The following FRMD1 variants were observed in gnomAD, a reference collection of about 807,000 sequenced individuals.
The protein encoded by FRMD1 is FERM domain containing 1, also known as FERM domain-containing protein 1.
Under a neutral mutation model 54.9 loss-of-function variants are expected in FRMD1, and 51 were observed. The ratio of observed to expected loss-of-function variants is 0.93; its 90% CI spans 0.74 to 1.17. The LOEUF (loss-of-function observed/expected upper bound fraction) is 1.17, where lower values mean the gene tolerates loss of function less well. Ranked by LOEUF, FRMD1 falls within the 50% of genes most tolerant of loss-of-function variation. The probability of loss-of-function intolerance (pLI) is 0.00; values close to 1 mark genes in which losing one functional copy is unlikely to be tolerated. For missense variants in FRMD1, 729 were observed against 743.0 expected (o/e 0.98, Z 0.22); for synonymous variants, 324 against 306.4 (o/e 1.06, Z -0.60).
upstream of FRMD1, chr6:168,081,250 G>A: frequency 1.7e-6 from 2 of 1,148,242 alleles, no homozygotes; most frequent in East Asian, 2.7e-5. Context: ...GGGCACTGAG[G>A]GGACACCAGA....
chr6:168,064,993 C>T lies in FRMD1; in HGVS notation c.526G>A (p.Ala176Thr), dbSNP rs372120473. The change falls in exon 5 of 11, where the codon GCT becomes ACT. Residue 176 changes from alanine (A) to threonine (T), a missense_variant. Transcript: ENST00000283309. ...AGGAAGTAGGCTTCCTCCCGGTGAG[C>T]GCACTGTGACCTCAGCACGCGCTCC... ...LKERVLRSQC[A>T]HREEAYFLLA... The T allele has an allele frequency of 2.2e-5, 36 of 1,611,856 alleles. No individual in the cohort carries two copies. Among genetic ancestry groups the T allele is most frequent in the South Asian group, 1.4e-4 (13 of 91,052 alleles).
chr6:168,057,513 G>A (rs1305144902), intron 10 of FRMD1, 174 bp from the exon 11 acceptor site: 2 of 849,620 alleles, frequency 2.4e-6, no homozygotes, highest in Non-Finnish European at 3.5e-6. Flanking sequence ...ACCTCTGCGA[G>A]AGAGGCTTGG....
At position 168,075,280 on chromosome 6, in the gene FRMD1, C is replaced by T. The variant is rs1344200759; in HGVS notation, c.269G>A (p.Arg90Lys). 1.9e-6 allele frequency: 3 copies of T among 1,613,678 alleles called. No homozygotes were observed. In the African/African-American group the frequency reaches 4.0e-5, roughly 22 times the overall value. The change falls in exon 2 of 11, where the codon AGA (arginine) becomes AAA (lysine). Residue 90 changes from arginine (R) to lysine (K), a missense_variant. Coordinates refer to ENST00000283309, the MANE Select transcript of FRMD1 (RefSeq NM_024919.6). ...ACAGAGGCCAAAGAACTGCGCGTCT[C>T]TGATGCTCGCCACGTTGCACACTTG... is the stretch of plus-strand genomic sequence containing the variant. ...FQQVCNVASI[R>K]DAQFFGLCVV...
Position 168,057,563 on chromosome 6 carries a change from C to T in FRMD1, c.1408-224G>A, listed in dbSNP as rs929936628. On this transcript the variant is annotated intron_variant, in intron 10 of 10. Coordinates refer to ENST00000283309, the MANE Select transcript of FRMD1 (RefSeq NM_024919.6). ...GCATTTCAGGAGGCCCCCACCTTGC[C>T]CAGCTTCTTTCCTGGGGCTGCTTTC... 6.0e-5 allele frequency: 36 copies of T among 598,702 alleles called. No individual in the cohort carries two copies. The African/African-American group carries it at 6.2e-4, about 10-fold the overall frequency. 37.1% of individuals were successfully genotyped at this position (598,702 alleles called of 1,614,324 possible). A position where few individuals can be genotyped will look rare whatever the true frequency, so the allele number is the denominator to read the frequency against.
Position 168,059,700 on chromosome 6 carries a change from G to A in FRMD1, c.1343-512C>T, listed in dbSNP as rs1436399590. ...ACACTCAGAGACCAGCAGAGCTCAC[G>A]TCCCCTTTCTGGGGCAATGAGGAAG... On this transcript the variant is annotated intron_variant, in intron 9 of 10. Coordinates refer to ENST00000283309, the MANE Select transcript of FRMD1 (RefSeq NM_024919.6). This position sits in a 1 kb window ranked among gnomAD's most constrained non-coding sequence, Gnocchi z 4.4. Among the ~76,000 whole-genome samples the A allele has an allele frequency of 6.6e-6, 1 of 152,130 alleles. No homozygotes were observed. Among genetic ancestry groups the A allele is most frequent in the Non-Finnish European group, 1.5e-5 (1 of 68,026 alleles).
At chr6:168,072,629 C>T (rs1800366963) in intron 2 of FRMD1, among the ~76,000 whole-genome samples, 2 of 152,236 alleles carry the variant, frequency 1.3e-5, no homozygotes, top group Admixed American at 6.5e-5. Context: ...GAACATGATG[C>T]ACAACCAAAG....
chr6:168,057,056 T>TG lies in FRMD1; in HGVS notation c.*40dup, dbSNP rs757331892. On this transcript the variant is annotated 3_prime_UTR_variant, in exon 11 of 11. Transcript: ENST00000283309. ...ATGTGGAAGTGGGGTGGGCAGGGGC[T>TG]GAGCCTGGCGGTGCGGACGGTACTG... The TG allele has an allele frequency of 7.0e-7, 1 of 1,436,710 alleles. No individual in the cohort carries two copies. Among genetic ancestry groups the TG allele is most frequent in the Admixed American group, 2.9e-5 (1 of 34,264 alleles). 89.0% of individuals were successfully genotyped at this position (1,436,710 alleles called of 1,614,324 possible).
intron 9 of FRMD1, among the ~76,000 whole-genome samples, chr6:168,060,257 G>A (rs1799650348): frequency 2.0e-5 from 3 of 147,378 alleles, no homozygotes; most frequent in South Asian, 2.2e-4. Context: ...GTGTGGGGAT[G>A]GGATTCCTGG....
chr6:168,062,363 G>A (rs1457701254), intron 7 of FRMD1, among the ~76,000 whole-genome samples: 2 of 152,210 alleles, frequency 1.3e-5, no homozygotes, highest in African/African-American at 2.4e-5. Context: ...CGGGATGAGA[G>A]GAACAGAGGC....
chr6:168,092,869 G>C (rs1472643499), intron 1 of FRMD1: 4 of 152,252 alleles, frequency 2.6e-5, no homozygotes, highest in African/African-American at 9.6e-5. Flanking sequence ...CTTGACCCTG[G>C]ACAGGCACAC....
At chr6:168,061,427 G>A (rs769263444) in intron 8 of FRMD1, among the ~76,000 whole-genome samples, 7 of 152,104 alleles carry the variant, frequency 4.6e-5, no homozygotes, top group African/African-American at 4.8e-5. Context: ...CAGGCCTTGT[G>A]CTCAGGTGAG....
upstream of FRMD1, among the ~76,000 whole-genome samples, chr6:168,086,307 T>C (rs1374119660): frequency 1.3e-5 from 2 of 150,568 alleles, no homozygotes; most frequent in African/African-American, 5.0e-5. Context: ...CGTTCCAGCA[T>C]GGACACCCAC....
At chr6:168,092,283 C>T (rs9346650) in intron 1 of FRMD1, among the ~76,000 whole-genome samples, 41,238 of 152,134 alleles carry the variant, frequency 0.27, 6,685 homozygotes, top group East Asian at 0.55. Context: ...CAGGACTTTG[C>T]AAAATGTTCT....
intron 1 of FRMD1, among the ~76,000 whole-genome samples, chr6:168,092,469 TAA>T (rs1266755526): frequency 2.0e-5 from 3 of 151,904 alleles, no homozygotes; most frequent in Non-Finnish European, 2.9e-5. Context: ...GTGCCCTGTA[TAA>T]GAGAGACCCT....
rs897743641 is a variant in FRMD1, at chr6:168,070,191, T to C, written c.305-2745A>G. On this transcript the variant is annotated intron_variant, in intron 2 of 10. Transcript: ENST00000283309. ...TTCCAGCCTGGGTGGCAGAGTGAGA[T>C]GAAGGAAGGAAGGAAGGAAAGAAAG... Among the ~76,000 whole-genome samples the C allele has an allele frequency of 7.2e-5, 10 of 138,804 alleles. No individual in the cohort carries two copies. In the South Asian group the frequency reaches 2.1e-3, roughly 29 times the overall value. 91.1% of individuals were successfully genotyped at this position (138,804 alleles called of 152,430 possible). A position where few individuals can be genotyped will look rare whatever the true frequency, so the allele number is the denominator to read the frequency against.
Position 168,075,258 on chromosome 6 carries a change from G to A in FRMD1, c.291C>T (p.Leu97=). The change falls in exon 2 of 11, where the codon CTC becomes CTT. Residue 97 remains leucine (L), a synonymous_variant. Transcript: ENST00000283309. The part of the protein sequence containing the change: ...ASIRDAQFFG[L]CVVRNNEYIF... ...AGCGATGCTTACTTCTGACCACACA[G>A]AGGCCAAAGAACTGCGCGTCTCTGA... 6.2e-7 allele frequency: 1 copy of A among 1,613,742 alleles called. No homozygotes were observed. Among genetic ancestry groups the A allele is most frequent in the Non-Finnish European group, 8.5e-7 (1 of 1,179,962 alleles).
At chr6:168,084,946 T>C (rs1183736713), upstream of FRMD1, among the ~76,000 whole-genome samples, 1 of 151,478 alleles carries the variant, frequency 6.6e-6, no homozygotes, top group Non-Finnish European at 1.5e-5. Context: ...AGCAGCGGAG[T>C]GGGCTGCTGG....
intron 9 of FRMD1, 124 bp downstream of exon 9, chr6:168,060,637 C>T (rs1322473904): frequency 1.1e-6 from 1 of 946,100 alleles, no homozygotes; most frequent in African/African-American, 1.7e-5. Context: ...AGCCCAGCCC[C>T]TCACGTCTGG....
Position 168,057,174 on chromosome 6 carries a change from G to A in FRMD1, c.1573C>T (p.Leu525Phe). 1 of 1,588,768 alleles carries A rather than the reference G, an allele frequency of 6.3e-7. No individual in the cohort carries two copies. Among genetic ancestry groups the A allele is most frequent in the Non-Finnish European group, 8.6e-7 (1 of 1,166,994 alleles). The change falls in exon 11 of 11, where the codon CTC becomes TTC. Residue 525 changes from leucine (L) to phenylalanine (F), a missense_variant. Physicochemically the swap from Leu to Phe is conservative, Grantham distance 22. Transcript: ENST00000283309. ...CAGTTGCTGGACCTCTTGCTGGGGA[G>A]AGTGGCCCTGGTCTCGCAGGGGCCT... ...LAGPCETRAT[L>F]PSKRSSNCLA... is the part of the protein sequence containing the mutation.
Sources: allele counts gnomAD v4.1 joint callset (sites outside exome capture counted in the v4.1 genomes callset), GRCh38; gene constraint gnomAD v4.1.1; non-coding constraint Gnocchi (gnomAD v3.1); transcripts MANE v1.5; gene names NCBI Gene and HGNC (gene_info 2026-07-23, HGNC 2026-07-21).